Variants in FBXO8 observed in about 807,000 individuals in gnomAD.
FBXO8 encodes F-box protein 8.
Under a neutral mutation model 33.4 loss-of-function variants are expected in FBXO8, and 15 were observed. The ratio of observed to expected loss-of-function variants is 0.45; its 90% CI spans 0.30 to 0.69. The LOEUF is 0.69. Ranked by LOEUF, FBXO8 falls within the 30% of genes least tolerant of loss-of-function variation. The probability of loss-of-function intolerance (pLI) is 0.08; values close to 1 mark genes in which losing one functional copy is unlikely to be tolerated. For missense variants in FBXO8, 274 were observed against 380.3 expected (o/e 0.72, Z 2.32); for synonymous variants, 132 against 131.5 (o/e 1.00, Z -0.02).
Position 174,242,713 on chromosome 4 carries a change from A to C in FBXO8, c.457-1495T>G, listed in dbSNP as rs1483555359. On this transcript the variant is annotated intron_variant, in intron 3 of 5. Transcript: ENST00000393674. ...ACTTCTTTGGAATGAGGCTTTCATC[A>C]ACTGTCCGAGGGGGCAGCAACTAGA... Among the ~76,000 whole-genome samples, 3 of 151,566 alleles carry C rather than the reference A, an allele frequency of 2.0e-5. No individual in the cohort carries two copies. The East Asian group carries it at 5.8e-4, about 29-fold the overall frequency.
intron 1 of FBXO8, chr4:174,269,257 T>C (rs1340473642): frequency 2.0e-5 from 3 of 151,924 alleles, no homozygotes; most frequent in African/African-American, 4.8e-5. Context: ...AGAGAAATTA[T>C]GCTACAAAAA....
At position 174,243,809 on chromosome 4, in the gene FBXO8, G is replaced by T; in HGVS notation, c.457-2591C>A. ...ACATGCAAAGGAAATCATTAGTCTA[G>T]ATATATATATATATAGTATTCTAAA... On this transcript the variant is annotated intron_variant, in intron 3 of 5. Transcript: ENST00000393674. Among the ~76,000 whole-genome samples, 3 of 148,498 alleles carry T rather than the reference G, an allele frequency of 2.0e-5. No individual in the cohort carries two copies. In the Middle Eastern group the frequency reaches 0.01, roughly 509 times the overall value.
chr4:174,237,440 A>T lies in FBXO8; in HGVS notation c.932T>A (p.Ile311Asn). The change falls in exon 6 of 6, where the codon ATC becomes AAC. Residue 311 changes from isoleucine to asparagine, a missense_variant. Ile to Asn is a moderately radical substitution (Grantham distance 149). Around this residue, in one of 2 missense-constraint regions of FBXO8, gnomAD observed 186 missense variants for 293.4 expected, o/e 0.63. Transcript: ENST00000393674. This position sits in a 1 kb window ranked among gnomAD's most constrained non-coding sequence, Gnocchi z 4.4. ...TGCAGCCACATGGCCAATAAGGTAG[A>T]TATTGTCATAAAGATGCCCTACAAA... ...EDFVGHLYDN[I>N]YLIGHVAA 1 of 1,613,544 alleles carries T rather than the reference A, an allele frequency of 6.2e-7. No individual in the cohort carries two copies. The highest frequency in any genetic ancestry group is 2.2e-5 in the East Asian group (1 of 44,854).
chr4:174,237,374 G>A lies in FBXO8; in HGVS notation c.*38C>T, dbSNP rs1735910732. ...TCTGCTAAGTCCTTGGGTAGCTTTA[G>A]TCTGAAGTAAAAACTGAAGTCCTAG... On this transcript the variant is annotated 3_prime_UTR_variant, in exon 6 of 6. Coordinates refer to ENST00000393674, the MANE Select transcript of FBXO8 (RefSeq NM_012180.3). This position sits in a 1 kb window ranked among gnomAD's most constrained non-coding sequence, Gnocchi z 4.4. 6.4e-7 allele frequency: 1 copy of A among 1,571,820 alleles called. No individual in the cohort carries two copies. The highest frequency in any genetic ancestry group is 8.7e-7 in the Non-Finnish European group (1 of 1,151,180).
intron 3 of FBXO8, among the ~76,000 whole-genome samples, chr4:174,258,653 T>C (rs1736470417): frequency 6.6e-6 from 1 of 152,068 alleles, no homozygotes; most frequent in African/African-American, 2.4e-5. Flanking sequence ...TTTATTTTAT[T>C]TTAAATTTAT....
In FBXO8 at chr4:174,270,860, G is replaced by A. The variant is rs1215009332; in HGVS notation, c.-8-7760C>T. The stretch of plus-strand genomic sequence containing the variant: ...ACGAACTCCTCACCTCAGGTGATCC[G>A]CCCGCCTCGGCTTCTCAGGAATAGG... On this transcript the variant is annotated intron_variant, in intron 1 of 5. Transcript: ENST00000393674. The surrounding 1 kb of genome is among the most constrained non-coding windows in gnomAD (Gnocchi z 4.6). 1.3e-5 allele frequency among the ~76,000 whole-genome samples: 2 copies of A among 152,026 alleles called. No individual in the cohort carries two copies. Among genetic ancestry groups the A allele is most frequent in the African/African-American group, 4.8e-5 (2 of 41,390 alleles).
Position 174,256,232 on chromosome 4 carries a change from CTT to C in FBXO8, c.456+3465_456+3466del. The C allele has an allele frequency of 2.3e-6, 1 of 440,490 alleles. No homozygotes were observed. The highest frequency in any genetic ancestry group is 4.5e-6 in the Non-Finnish European group (1 of 221,922). The allele number at this position is 440,490 out of a possible 1,614,324, so 27.3% of individuals were successfully genotyped here. On this transcript the variant is annotated intron_variant, in intron 3 of 5. Transcript: ENST00000393674. The surrounding 1 kb of genome is among the most constrained non-coding windows in gnomAD (Gnocchi z 4.6). ...ATACTGGAAATTATGAAAAAGTAGACTTTTTACAATACTAAGCAATTATATAC... is the reference window on the plus strand; with the variant it reads ...ATACTGGAAATTATGAAAAAGTAGACTTTACAATACTAAGCAATTATATAC...
chr4:174,239,129 C>T lies in FBXO8; in HGVS notation c.637G>A (p.Ala213Thr). 3 of 1,600,570 alleles carry T rather than the reference C, an allele frequency of 1.9e-6. No individual in the cohort carries two copies. Among genetic ancestry groups the T allele is most frequent in the Non-Finnish European group, 1.7e-6 (2 of 1,172,460 alleles). Reference protein sequence around the residue: ...HNFRNQFLPNALREFFRHIHA... With the variant: ...HNFRNQFLPNTLREFFRHIHA... ...ATATGACGAAAAAATTCTCTCAGTG[C>T]ATTTGGCAAGAACTGATTTCTAAAA... The change falls in exon 5 of 6, where the codon GCA becomes ACA. Residue 213 changes from alanine to threonine, a missense_variant. By Grantham distance (58) the Ala-to-Thr change is moderately conservative. This residue lies in a region of FBXO8 where 186 missense variants were observed against 293.4 expected (regional missense o/e 0.63). Transcript: ENST00000393674.
chr4:174,279,529 G>A (rs909686969), intron 1 of FBXO8, among the ~76,000 whole-genome samples: 1 of 151,952 alleles, frequency 6.6e-6, no homozygotes, highest in Non-Finnish European at 1.5e-5. Flanking sequence ...GAATCTCAAG[G>A]GACCTCTAAT....
intron 1 of FBXO8, among the ~76,000 whole-genome samples, chr4:174,276,769 TAGA>T (rs1736970158): frequency 6.6e-6 from 1 of 152,218 alleles, no homozygotes; most frequent in African/African-American, 2.4e-5. Flanking sequence ...TACAGTAATG[TAGA>T]AGTTTTTTGA....
At position 174,260,206 on chromosome 4, in the gene FBXO8, G is replaced by A. The variant is rs557551709; in HGVS notation, c.330-381C>T. Among the ~76,000 whole-genome samples, 85 of 152,062 alleles carry A rather than the reference G, an allele frequency of 5.6e-4. 1 individual carries two copies. Among genetic ancestry groups the A allele is most frequent in the Non-Finnish European group, 1.1e-3 (73 of 67,874 alleles). The stretch of plus-strand genomic sequence containing the variant: ...TGCCTAATCTTCACAACAATCCTAT[G>A]ACGTTGGTGATACAGATAAGAAACA... On this transcript the variant is annotated intron_variant, in intron 2 of 5. Transcript: ENST00000393674.
At position 174,239,035 on chromosome 4, in the gene FBXO8, G is replaced by A; in HGVS notation, c.731C>T (p.Ala244Val). The change falls in exon 5 of 6, where the codon GCT becomes GTT. Residue 244 changes from alanine (A) to valine (V), a missense_variant. Ala to Val is a moderately conservative substitution (Grantham distance 64). Coordinates refer to ENST00000393674, the MANE Select transcript of FBXO8 (RefSeq NM_012180.3). ...TTCTCGCATTAAATCAGGGTTGCAA[G>A]CACAGAATCTATGTGAGAACTTTGT... ...LITKFSHRFC[A>V]CNPDLMRELG... The A allele has an allele frequency of 3.1e-6, 5 of 1,594,188 alleles. No homozygotes were observed. The highest frequency in any genetic ancestry group is 3.4e-6 in the Non-Finnish European group (4 of 1,169,070).
chr4:174,262,991 A>T lies in FBXO8; in HGVS notation c.102T>A (p.Ala34=). 6.2e-7 allele frequency: 1 copy of T among 1,614,054 alleles called. No individual in the cohort carries two copies. The change falls in exon 2 of 6, where the codon GCT becomes GCA. Residue 34 remains alanine (A), a synonymous_variant. Coordinates refer to ENST00000393674, the MANE Select transcript of FBXO8 (RefSeq NM_012180.3). This position sits in a 1 kb window ranked among gnomAD's most constrained non-coding sequence, Gnocchi z 4.6. ...YLTREQSRRM[A]ASNISNTNHR... ...GATTGGTGTTAGAAATGTTGCTCGC[A>T]GCCATTCTCCTGCTCTGCTCTCTGG...
Position 174,270,095 on chromosome 4 carries a change from G to GA in FBXO8, c.-8-6996dup, listed in dbSNP as rs1360173583. ...CATGAATGGCTACTGAATGGCTACTGAATGTGGACTGGCAACCAAACTGTG... is the reference window on the plus strand; with the variant it reads ...CATGAATGGCTACTGAATGGCTACTGAAATGTGGACTGGCAACCAAACTGTG... On this transcript the variant is annotated intron_variant, in intron 1 of 5. Coordinates refer to ENST00000393674, the MANE Select transcript of FBXO8 (RefSeq NM_012180.3). The surrounding 1 kb of genome is among the most constrained non-coding windows in gnomAD (Gnocchi z 4.6). Among the ~76,000 whole-genome samples the GA allele has an allele frequency of 3.3e-5, 5 of 152,208 alleles. No homozygotes were observed. The highest frequency in any genetic ancestry group is 7.3e-5 in the Non-Finnish European group (5 of 68,046).
At position 174,251,676 on chromosome 4, in the gene FBXO8, C is replaced by T. The variant is rs1736288398; in HGVS notation, c.456+8023G>A. Among the ~76,000 whole-genome samples the T allele has an allele frequency of 6.6e-6, 1 of 152,082 alleles. No individual in the cohort carries two copies. On this transcript the variant is annotated intron_variant, in intron 3 of 5. Coordinates refer to ENST00000393674, the MANE Select transcript of FBXO8 (RefSeq NM_012180.3). The surrounding 1 kb of genome is among the most constrained non-coding windows in gnomAD (Gnocchi z 4.2). ...AAGAAAATCACCTCCAGTTTAGCACCATTTGACTAATTGTAGCTAGTCGCT... is the reference window on the plus strand; with the variant it reads ...AAGAAAATCACCTCCAGTTTAGCACTATTTGACTAATTGTAGCTAGTCGCT...
intron 1 of FBXO8, among the ~76,000 whole-genome samples, chr4:174,268,031 T>C (rs1047512872): frequency 1.3e-5 from 2 of 152,250 alleles, no homozygotes; most frequent in African/African-American, 4.8e-5. Flanking sequence ...ATATTTACTC[T>C]TCTAAGAGCA....
chr4:174,258,777 A>C (rs1736473913), intron 3 of FBXO8, among the ~76,000 whole-genome samples: 1 of 152,066 alleles, frequency 6.6e-6, no homozygotes, highest in South Asian at 2.1e-4. Context: ...ATTTTTGTTT[A>C]AGACTCAAAT....
chr4:174,246,942 A>G (rs1273323027), intron 3 of FBXO8, among the ~76,000 whole-genome samples: 2 of 152,026 alleles, frequency 1.3e-5, no homozygotes, highest in Admixed American at 1.3e-4. Flanking sequence ...GATGCAGGAT[A>G]TGACTGGATA....
rs1736806277 is a variant in FBXO8 at position 174,270,233 on chromosome 4, T to C, written c.-8-7133A>G. 6.6e-6 allele frequency among the ~76,000 whole-genome samples: 1 copy of C among 152,236 alleles called. No individual in the cohort carries two copies. ...AATTTCATATTTTGGTTTATTATCA[T>C]AGCTTACATTTCAAACTTAACTTTC... is the stretch of plus-strand genomic sequence containing the variant. On this transcript the variant is annotated intron_variant, in intron 1 of 5. Transcript: ENST00000393674. This position sits in a 1 kb window ranked among gnomAD's most constrained non-coding sequence, Gnocchi z 4.6.
Sources: gnomAD v4.1 joint callset for allele counts (sites outside exome capture counted in the v4.1 genomes callset) on GRCh38, gnomAD v4.1.1 for gene constraint, gnomAD v4.1.1 regional missense constraint, Gnocchi (gnomAD v3.1) non-coding constraint, MANE v1.5 for transcripts, NCBI Gene and HGNC (gene_info 2026-07-23, HGNC 2026-07-21) for gene names.